Variants in POLR1D observed in about 807,000 individuals in gnomAD.
The protein encoded by POLR1D is DNA-directed RNA polymerases I and III subunit RPAC2.
In POLR1D, 8 loss-of-function variants were observed where a neutral mutation model predicts 10.8. That is an observed-to-expected ratio of 0.74 (90% CI 0.43 to 1.33). The LOEUF (loss-of-function observed/expected upper bound fraction) is 1.33. Ranked by LOEUF, POLR1D falls within the 40% of genes most tolerant of loss-of-function variation. The pLI, the probability that POLR1D is intolerant of heterozygous loss-of-function variation, is 0.01. For missense variants in POLR1D, 152 were observed against 161.7 expected, an observed-to-expected ratio of 0.94 and a Z score of 0.32; for synonymous variants, 54 against 57.2, an observed-to-expected ratio of 0.94 and a Z score of 0.25.
At chr13:27,622,229 T>C (rs1247524524) in intron 1 of POLR1D, 6 of 603,106 alleles carry the variant, frequency 9.9e-6, no homozygotes, top group Non-Finnish European at 1.8e-5. Context: ...CAGAGTTAAG[T>C]ATCCGAACTG....
intron 1 of POLR1D, among the ~76,000 whole-genome samples, chr13:27,643,659 A>G (rs1014967706): frequency 6.6e-6 from 1 of 152,198 alleles, no homozygotes; most frequent in African/African-American, 2.4e-5. Context: ...GATCGAGTAG[A>G]TAGTTCCATT....
chr13:27,638,971 ATTTT>A (rs918650735), intron 1 of POLR1D, among the ~76,000 whole-genome samples: 3 of 151,452 alleles, frequency 2.0e-5, no homozygotes, highest in Non-Finnish European at 4.4e-5. Context: ...ATTCTGCAAT[ATTTT>A]TTTCCTGTCT....
rs141741450 is a variant in POLR1D at position 27,661,784 on chromosome 13, G to C, written c.102-3902G>C. Among the ~76,000 whole-genome samples the C allele has an allele frequency of 5.3e-3, 802 of 152,266 alleles. 16 individuals are homozygous for C. Among genetic ancestry groups the C allele is most frequent in the Admixed American group, 0.038 (588 of 15,292 alleles). ...GTTAATGTACAGAGCATGAGCAGAGGATCCTAAAACTGGAAGGGACTCTAG... is the reference window on the plus strand; with the variant it reads ...GTTAATGTACAGAGCATGAGCAGAGCATCCTAAAACTGGAAGGGACTCTAG... On this transcript the variant is annotated intron_variant, in intron 2 of 2. Transcript: ENST00000399697.
Position 27,621,923 on chromosome 13 carries a change from G to C in POLR1D, c.-61G>C. 6.5e-7 allele frequency: 1 copy of C among 1,549,800 alleles called. No homozygotes were observed. The highest frequency in any genetic ancestry group is 8.8e-7 in the Non-Finnish European group (1 of 1,139,830). ...TTCCTGCTTCGCCTCCGCGCCTCGC[G>C]CTATGGGACAGAGCCCCCGATCCGC... On this transcript the variant is annotated 5_prime_UTR_variant, in exon 1 of 2. Transcript: ENST00000302979.
chr13:27,644,272 G>A (rs1235058890), intron 1 of POLR1D, among the ~76,000 whole-genome samples: 3 of 152,072 alleles, frequency 2.0e-5, no homozygotes. Context: ...TACCCCTTCT[G>A]TACACTGGAA....
chr13:27,633,284 T>G (rs1566144686), intron 1 of POLR1D, among the ~76,000 whole-genome samples: 1 of 152,198 alleles, frequency 6.6e-6, no homozygotes, highest in East Asian at 1.9e-4. Context: ...AGGCCAAATT[T>G]GACTGCAACG....
intron 2 of POLR1D, chr13:27,650,280 T>C (rs1316390338): frequency 5.2e-6 from 2 of 382,652 alleles, no homozygotes; most frequent in Non-Finnish European, 9.3e-6. Flanking sequence ...AGCATCAGTG[T>C]GTGATAATAG....
chr13:27,641,101 A>G (rs1203057127), intron 1 of POLR1D, among the ~76,000 whole-genome samples: 1 of 152,196 alleles, frequency 6.6e-6, no homozygotes, highest in Non-Finnish European at 1.5e-5. Flanking sequence ...GGTTGAATCC[A>G]CAGATACAGA....
chr13:27,652,911 CTTTTTT>C (rs71083685), intron 2 of POLR1D, among the ~76,000 whole-genome samples: 159 of 89,308 alleles, frequency 1.8e-3, no homozygotes, highest in African/African-American at 7.6e-3. Context: ...TTTACCATTT[CTTTTTT>C]TTTTTTTTTT....
At chr13:27,660,621 C>T (rs578099181) in intron 2 of POLR1D, among the ~76,000 whole-genome samples, 1 of 152,324 alleles carries the variant, frequency 6.6e-6, no homozygotes, top group South Asian at 2.1e-4. Flanking sequence ...ACTGTGTGTG[C>T]ATCTGCTGCT....
intron 1 of POLR1D, among the ~76,000 whole-genome samples, chr13:27,633,082 C>CT (rs1956089667): frequency 6.6e-6 from 1 of 152,062 alleles, no homozygotes; most frequent in African/African-American, 2.4e-5. Context: ...GGAGTCAGAC[C>CT]TAGAGGTTCA....
upstream of POLR1D, chr13:27,621,775 C>T (rs986876522): frequency 4.9e-6 from 2 of 410,140 alleles, no homozygotes; most frequent in African/African-American, 4.2e-5. Flanking sequence ...ACCGCTCACC[C>T]CGCGTCGGGG....
chr13:27,632,148 G>T (rs1956079854), intron 1 of POLR1D, among the ~76,000 whole-genome samples: 1 of 152,158 alleles, frequency 6.6e-6, no homozygotes, highest in Non-Finnish European at 1.5e-5. Flanking sequence ...CTGTTGTCTT[G>T]TCTATTGGTT....
chr13:27,662,490 CCAAA>C (rs1956374183), intron 2 of POLR1D, among the ~76,000 whole-genome samples: 1 of 152,174 alleles, frequency 6.6e-6, no homozygotes, highest in African/African-American at 2.4e-5. Context: ...AGTTTTGCTG[CCAAA>C]CAAACTTTGG....
chr13:27,625,842 G>C (rs1389939144), downstream of POLR1D, among the ~76,000 whole-genome samples: 3 of 152,106 alleles, frequency 2.0e-5, no homozygotes, highest in Non-Finnish European at 4.4e-5. Context: ...ATAGGGAATA[G>C]AAAAATGTCA....
intron 1 of POLR1D, among the ~76,000 whole-genome samples, chr13:27,635,735 CAT>C (rs1343900251): frequency 3.3e-5 from 4 of 120,446 alleles, no homozygotes; most frequent in African/African-American, 5.4e-5. Flanking sequence ...TACATACACA[CAT>C]ATATATATAT....
chr13:27,624,058 A>G (rs1955981583), downstream of POLR1D, among the ~76,000 whole-genome samples: 1 of 152,168 alleles, frequency 6.6e-6, no homozygotes, highest in African/African-American at 2.4e-5. Context: ...GGAAAATTCC[A>G]TATAGGGGAA....
Position 27,622,016 on chromosome 13 carries a change from G to A in POLR1D, c.26+7G>A, listed in dbSNP as rs1173322039. 1 of 1,586,562 alleles carries A rather than the reference G, an allele frequency of 6.3e-7. No individual in the cohort carries two copies. Among genetic ancestry groups the A allele is most frequent in the Non-Finnish European group, 8.6e-7 (1 of 1,166,656 alleles). On this transcript the variant is annotated splice_region_variant and intron_variant, in intron 1 of 1. Coordinates refer to ENST00000302979, the MANE Select transcript of POLR1D (RefSeq NM_015972.4). ...AGGATCAGGAGCTGGAGAGGTAACG[G>A]CCGAGGAGGAGGCGGGCGGAGCGGG... is the stretch of plus-strand genomic sequence containing the variant.
intron 1 of POLR1D, among the ~76,000 whole-genome samples, chr13:27,635,021 A>G (rs1016208224): frequency 5.9e-5 from 9 of 151,982 alleles, no homozygotes; most frequent in African/African-American, 2.2e-4. Flanking sequence ...CCTGCCTTGG[A>G]CTCATAAAGA....
Sources: gnomAD v4.1 joint callset for allele counts (sites outside exome capture counted in the v4.1 genomes callset) on GRCh38, gnomAD v4.1.1 for gene constraint, MANE v1.5 for transcripts, NCBI Gene and HGNC (gene_info 2026-07-23, HGNC 2026-07-21) for gene names.